GRIK1: variants seen among roughly 807,000 people sequenced by gnomAD.
The protein encoded by GRIK1 is glutamate receptor ionotropic, kainate 1.
In GRIK1, 69 loss-of-function variants were observed where a neutral mutation model predicts 105.7. That is an observed-to-expected ratio of 0.65 (90% CI 0.54 to 0.80). GRIK1 has a LOEUF of 0.80. GRIK1 is among the 30% of genes least tolerant of loss of function. The probability of loss-of-function intolerance (pLI) is 0.00; values close to 1 mark genes in which losing one functional copy is unlikely to be tolerated. For missense variants in GRIK1, 1,109 were observed against 1,167.3 expected (o/e 0.95, Z 0.73); for synonymous variants, 438 against 431.3 (o/e 1.02, Z -0.19).
At chr21:29,670,665 C>T (rs1323138634) in intron 4 of GRIK1, among the ~76,000 whole-genome samples, 1 of 152,214 alleles carries the variant, frequency 6.6e-6, no homozygotes, top group Non-Finnish European at 1.5e-5. Context: ...CAGAAGTCCT[C>T]AGCCTCTGTT....
chr21:29,885,662 A>T (rs1202041511), intron 1 of GRIK1, among the ~76,000 whole-genome samples: 1 of 152,078 alleles, frequency 6.6e-6, no homozygotes, highest in African/African-American at 2.4e-5. Flanking sequence ...TGTACTGATG[A>T]CTGCCTGCTG....
chr21:29,656,768 G>A (rs977782298), intron 4 of GRIK1, among the ~76,000 whole-genome samples: 6 of 152,212 alleles, frequency 3.9e-5, no homozygotes, highest in Admixed American at 1.3e-4. Flanking sequence ...GAAATAAAGA[G>A]GGTATTAGAT....
chr21:29,794,518 C>T (rs1229578607), intron 1 of GRIK1, among the ~76,000 whole-genome samples: 1 of 152,162 alleles, frequency 6.6e-6, no homozygotes, highest in Non-Finnish European at 1.5e-5. Flanking sequence ...TATGAAACAT[C>T]ATCATCATGG....
At chr21:29,742,798 T>G (rs2064962052) in intron 1 of GRIK1, among the ~76,000 whole-genome samples, 1 of 152,202 alleles carries the variant, frequency 6.6e-6, no homozygotes, top group Admixed American at 6.5e-5. Context: ...TGAGGTTACA[T>G]TTTTCCAAAT....
intron 14 of GRIK1, among the ~76,000 whole-genome samples, chr21:29,570,125 A>G (rs1364783088): frequency 2.0e-5 from 3 of 152,190 alleles, no homozygotes; most frequent in African/African-American, 7.2e-5. Flanking sequence ...TTTCATCAGC[A>G]GAGAACAGAG....
At chr21:29,603,608 C>A (rs375522257) in intron 7 of GRIK1, among the ~76,000 whole-genome samples, 1 of 152,118 alleles carries the variant, frequency 6.6e-6, no homozygotes, top group Non-Finnish European at 1.5e-5. Context: ...TTTTTCTCCC[C>A]GTCACACCTC....
At chr21:29,816,139 C>G (rs777608767) in intron 1 of GRIK1, among the ~76,000 whole-genome samples, 1 of 151,896 alleles carries the variant, frequency 6.6e-6, no homozygotes, top group African/African-American at 2.4e-5. Flanking sequence ...GCAAAGGATA[C>G]GAATAGATAT....
chr21:29,884,551 C>T (rs2832472), intron 1 of GRIK1, among the ~76,000 whole-genome samples: 23,524 of 151,888 alleles, frequency 0.15, 1,868 homozygotes, highest in Non-Finnish European at 0.18. Context: ...TCTCAGTTTG[C>T]CATTTGATGA....
chr21:29,934,542 T>C (rs191513223), intron 1 of GRIK1, among the ~76,000 whole-genome samples: 3 of 152,306 alleles, frequency 2.0e-5, no homozygotes, highest in African/African-American at 7.2e-5. Flanking sequence ...AAATGAACTC[T>C]TGCTTTTAGT....
intron 1 of GRIK1, among the ~76,000 whole-genome samples, chr21:29,822,208 T>C (rs2067324789): frequency 1.3e-5 from 2 of 152,056 alleles, no homozygotes; most frequent in East Asian, 1.9e-4. Flanking sequence ...CACTCTGCAA[T>C]AGTGCTAAGG....
intron 1 of GRIK1, among the ~76,000 whole-genome samples, chr21:29,867,792 C>T (rs979542653): frequency 9.2e-5 from 9 of 97,930 alleles, no homozygotes; most frequent in Non-Finnish European, 1.3e-4. Context: ...GAAACTATGT[C>T]GAAAGAAGAA....
At chr21:29,620,792 T>TATATATATAG (rs1491286680) in intron 7 of GRIK1, among the ~76,000 whole-genome samples, 7 of 109,704 alleles carry the variant, frequency 6.4e-5, no homozygotes, top group African/African-American at 3.6e-4. Flanking sequence ...GATATATATA[T>TATATATATAG]CTATATATAT....
intron 6 of GRIK1, among the ~76,000 whole-genome samples, chr21:29,648,779 G>A (rs1177652241): frequency 6.6e-6 from 1 of 152,148 alleles, no homozygotes. Context: ...TACTGTACTA[G>A]ATGGTGATTC....
chr21:29,577,094 G>T lies in GRIK1; in HGVS notation c.2000C>A (p.Thr667Lys). ...FFTLIIISSY[T>K]ANLAAFLTVE... Reference sequence around the variant, plus strand: ...TGTCAAGAAGGCAGCCAGATTGGCCGTGTAGGATGAAATGATGATTAGGGT... The same window carrying T: ...TGTCAAGAAGGCAGCCAGATTGGCCTTGTAGGATGAAATGATGATTAGGGT... Residue 667 changes from threonine (T) to lysine (K), a missense_variant, in exon 14 of 18, where the codon ACG becomes AAG. Around this residue, in one of 5 missense-constraint regions of GRIK1, gnomAD observed 264 missense variants for 306.9 expected, o/e 0.86. Transcript: ENST00000327783. 2 of 1,611,578 alleles carry T rather than the reference G, an allele frequency of 1.2e-6. No individual in the cohort carries two copies. Among genetic ancestry groups the T allele is most frequent in the Non-Finnish European group, 1.7e-6 (2 of 1,177,738 alleles).
intron 16 of GRIK1, among the ~76,000 whole-genome samples, chr21:29,538,115 A>G (rs150462456): frequency 1.3e-5 from 2 of 152,204 alleles, no homozygotes; most frequent in African/African-American, 4.8e-5. Flanking sequence ...CAATTATGCT[A>G]TATCTGTTCA....
In GRIK1 at chr21:29,888,197, C is replaced by CTTTCTTTCTTCCTT. The variant is rs59241719; in HGVS notation, c.118+51185_118+51186insAAGGAAGAAAGAAA. On this transcript the variant is annotated intron_variant, in intron 1 of 17. Coordinates refer to ENST00000327783, the MANE Select transcript of GRIK1 (RefSeq NM_001330994.2). ...TCTTTCTTTCTTCCTTTCTTTCTTT[C>CTTTCTTTCTTCCTT]TCTCTCTCTCTCTCTCTCTCTCTCT... Among the ~76,000 whole-genome samples, 38 of 22,340 alleles carry CTTTCTTTCTTCCTT rather than the reference C, an allele frequency of 1.7e-3. 3 individuals carry two copies. Among genetic ancestry groups the CTTTCTTTCTTCCTT allele is most frequent in the African/African-American group, 2.8e-3 (29 of 10,278 alleles). The allele number at this position is 22,340 out of a possible 152,430, so 14.7% of individuals were successfully genotyped here.
chr21:29,778,895 C>A (rs1433276905), intron 1 of GRIK1, among the ~76,000 whole-genome samples: 4 of 152,138 alleles, frequency 2.6e-5, no homozygotes, highest in Admixed American at 2.6e-4. Context: ...AACACTCTTA[C>A]TCTTAACCAG....
intron 1 of GRIK1, among the ~76,000 whole-genome samples, chr21:29,709,474 T>A (rs2063994463): frequency 6.6e-6 from 1 of 151,894 alleles, no homozygotes; most frequent in Non-Finnish European, 1.5e-5. Context: ...AGAGATGGGG[T>A]TTCACCATGT....
intron 1 of GRIK1, among the ~76,000 whole-genome samples, chr21:29,915,164 C>T (rs749899350): frequency 7.9e-5 from 12 of 151,076 alleles, no homozygotes; most frequent in South Asian, 6.2e-4. Flanking sequence ...TTCTTTTCCA[C>T]GCTATATACA....
Sources: gnomAD v4.1 joint callset for allele counts (sites outside exome capture counted in the v4.1 genomes callset) on GRCh38, gnomAD v4.1.1 for gene constraint, gnomAD v4.1.1 regional missense constraint, MANE v1.5 for transcripts, NCBI Gene and HGNC (gene_info 2026-07-23, HGNC 2026-07-21) for gene names.